The following FAM13A variants were observed in gnomAD, a reference collection of about 807,000 sequenced individuals.
FAM13A encodes protein FAM13A.
In FAM13A, 76 loss-of-function variants were observed where a neutral mutation model predicts 129.6. The ratio of observed to expected loss-of-function variants is 0.59; its 90% confidence interval spans 0.49 to 0.71. FAM13A has a LOEUF of 0.71. FAM13A is among the 30% of genes least tolerant of loss of function. FAM13A has a pLI of 0.00. For synonymous variants in FAM13A, 443 were observed against 449.9 expected, an observed-to-expected ratio of 0.98 and a Z score of 0.20; for missense variants, 1,108 against 1,249.3, an observed-to-expected ratio of 0.89 and a Z score of 1.70.
chr4:88,910,457 T>G (rs1748907160), intron 5 of FAM13A, among the ~76,000 whole-genome samples: 1 of 152,132 alleles, frequency 6.6e-6, no homozygotes, highest in African/African-American at 2.4e-5. Context: ...ACAGCTCTTT[T>G]AAGGTTTGGT....
intron 4 of FAM13A, among the ~76,000 whole-genome samples, chr4:88,980,668 C>T (rs1415150489): frequency 6.6e-6 from 1 of 152,220 alleles, no homozygotes; most frequent in South Asian, 2.1e-4. Flanking sequence ...AATATGTGAT[C>T]CTACAGCTTG....
intron 21 of FAM13A, 100 bp from the exon 22 acceptor site, chr4:88,732,298 A>T (rs2149394291): frequency 1.2e-6 from 1 of 826,528 alleles, no homozygotes; most frequent in South Asian, 1.9e-5. Context: ...CAGACTCCAT[A>T]TAGTTTCTTC....
At chr4:88,982,788 T>C (rs1283829519) in intron 4 of FAM13A, among the ~76,000 whole-genome samples, 2 of 152,230 alleles carry the variant, frequency 1.3e-5, no homozygotes, top group Non-Finnish European at 2.9e-5. Flanking sequence ...CAAGGTTTAA[T>C]GAATTTTTAA....
chr4:88,925,633 T>G (rs896963917), intron 5 of FAM13A, among the ~76,000 whole-genome samples: 1 of 151,710 alleles, frequency 6.6e-6, no homozygotes, highest in Admixed American at 6.6e-5. Context: ...GCATGGCACA[T>G]GTATACATAT....
At chr4:89,013,248 T>C (rs1431595386) in intron 3 of FAM13A, among the ~76,000 whole-genome samples, 2 of 151,058 alleles carry the variant, frequency 1.3e-5, no homozygotes, top group African/African-American at 4.8e-5. Context: ...GAAGGAAGTT[T>C]ATTTTATAGA....
At chr4:88,847,306 G>A (rs1736803235) in intron 7 of FAM13A, among the ~76,000 whole-genome samples, 2 of 151,832 alleles carry the variant, frequency 1.3e-5, no homozygotes, top group African/African-American at 2.4e-5. Flanking sequence ...TTGGTGGATC[G>A]CTTGAGCTCA....
chr4:88,746,652 C>T (rs1741402221), intron 19 of FAM13A, among the ~76,000 whole-genome samples: 2 of 152,160 alleles, frequency 1.3e-5, no homozygotes, highest in South Asian at 4.1e-4. Flanking sequence ...GGCCCCTCCA[C>T]CATTCCTTCC....
At chr4:88,799,996 C>T (rs1201019266) in intron 8 of FAM13A, among the ~76,000 whole-genome samples, 1 of 152,160 alleles carries the variant, frequency 6.6e-6, no homozygotes, top group Non-Finnish European at 1.5e-5. Context: ...AATTCTGACA[C>T]ATGCTACAAC....
intron 6 of FAM13A, among the ~76,000 whole-genome samples, chr4:88,871,868 T>G (rs908405762): frequency 1.3e-5 from 2 of 151,844 alleles, no homozygotes; most frequent in Admixed American, 6.6e-5. Flanking sequence ...TTGAAATGAA[T>G]GAAAAAATGT....
chr4:88,832,095 C>T (rs191768810), intron 7 of FAM13A, among the ~76,000 whole-genome samples: 325 of 152,152 alleles, frequency 2.1e-3, no homozygotes, highest in Non-Finnish European at 3.1e-3. Context: ...CACCTAAAAC[C>T]GTCTGATCTT....
At chr4:89,031,627 T>C (rs944468584) in intron 1 of FAM13A, among the ~76,000 whole-genome samples, 1 of 152,238 alleles carries the variant, frequency 6.6e-6, no homozygotes, top group African/African-American at 2.4e-5. Context: ...CTCTTTCTTC[T>C]AGGAATTATT....
chr4:88,957,314 G>A (rs1757908716), intron 4 of FAM13A, among the ~76,000 whole-genome samples: 1 of 151,760 alleles, frequency 6.6e-6, no homozygotes, highest in Non-Finnish European at 1.5e-5. Context: ...GCATGACAGA[G>A]CGAGACTCTG....
chr4:88,790,667 A>G (rs748648794), intron 8 of FAM13A, 40 bp from the exon 9 acceptor site: 2 of 1,578,466 alleles, frequency 1.3e-6, no homozygotes, highest in Non-Finnish European at 1.7e-6. Context: ...GTTAGATGAA[A>G]GATCAGAGAT....
At chr4:88,781,532 C>T (rs977493849) in intron 10 of FAM13A, among the ~76,000 whole-genome samples, 181 bp from the exon 11 acceptor site, 1 of 152,018 alleles carries the variant, frequency 6.6e-6, no homozygotes, top group Non-Finnish European at 1.5e-5. Context: ...AAATAAATCA[C>T]ATTGAAAGAG....
chr4:88,745,924 T>C (rs1000410897), intron 19 of FAM13A, among the ~76,000 whole-genome samples: 8 of 151,620 alleles, frequency 5.3e-5, no homozygotes, highest in African/African-American at 9.7e-5. Context: ...ATTCTACAGA[T>C]AGTTATTGGG....
intron 3 of FAM13A, among the ~76,000 whole-genome samples, chr4:89,019,062 G>A (rs2670619): frequency 0.1 from 15,956 of 152,280 alleles, 908 homozygotes; most frequent in African/African-American, 0.14. Flanking sequence ...GCTGATGTGA[G>A]GGCCTGGGGG....
intron 5 of FAM13A, among the ~76,000 whole-genome samples, chr4:88,908,421 G>A (rs955088936): frequency 6.6e-6 from 1 of 152,198 alleles, no homozygotes; most frequent in African/African-American, 2.4e-5. Flanking sequence ...AAGGCTGACT[G>A]TTAAGGGAAA....
At chr4:88,814,744 A>T (rs1274442207) in intron 7 of FAM13A, among the ~76,000 whole-genome samples, 1 of 151,990 alleles carries the variant, frequency 6.6e-6, no homozygotes, top group Non-Finnish European at 1.5e-5. Flanking sequence ...TAAACGCTTA[A>T]TTTTTTTCTC....
chr4:88,977,142 C>A (rs936966977), intron 4 of FAM13A, among the ~76,000 whole-genome samples: 1 of 152,086 alleles, frequency 6.6e-6, no homozygotes, highest in Admixed American at 6.5e-5. Context: ...AGGTTAACAA[C>A]AATAACTAAT....
Sources: allele counts gnomAD v4.1 joint callset (sites outside exome capture counted in the v4.1 genomes callset), GRCh38; gene constraint gnomAD v4.1.1; transcripts MANE v1.5; gene names NCBI Gene and HGNC (gene_info 2026-07-23, HGNC 2026-07-21).